The following LIPF variants were observed in gnomAD, a reference collection of about 807,000 sequenced individuals.
The protein encoded by LIPF is lipase F, gastric type, also known as gastric triacylglycerol lipase.
A neutral mutation model predicts 38.0 loss-of-function variants in LIPF; 25 were observed. The observed-to-expected ratio is 0.66, with a 90% confidence interval of 0.48 to 0.92. The LOEUF (loss-of-function observed/expected upper bound fraction) is 0.92, where lower values mean the gene tolerates loss of function less well. Ranked by LOEUF, LIPF falls within the 40% of genes least tolerant of loss-of-function variation. The pLI is 0.00. For missense variants in LIPF, 410 were observed against 469.9 expected (o/e 0.87, Z 1.18); for synonymous variants, 161 against 156.2 (o/e 1.03, Z -0.23).
intron 3 of LIPF, 142 bp from the exon 4 acceptor site, chr10:88,668,416 A>G (rs1443652387): frequency 4.1e-6 from 3 of 740,266 alleles, no homozygotes; most frequent in Non-Finnish European, 6.5e-6. Context: ...CATCACCACA[A>G]TTACGATAAG....
intron 7 of LIPF, 91 bp from the exon 8 acceptor site, chr10:88,675,495 C>T: frequency 1.0e-6 from 1 of 952,982 alleles, no homozygotes; most frequent in African/African-American, 1.6e-5. Context: ...AAACACTTGA[C>T]CTGAATCAGA....
At chr10:88,670,923 G>A (rs1271875602) in intron 5 of LIPF, among the ~76,000 whole-genome samples, 1 of 152,082 alleles carries the variant, frequency 6.6e-6, no homozygotes, top group Non-Finnish European at 1.5e-5. Context: ...TGGATGAAGG[G>A]TGTTCTTGGA....
Position 88,667,328 on chromosome 10 carries a change from A to G in LIPF, c.31A>G (p.Ile11Val), listed in dbSNP as rs749991614. MWLLLTMASL[I>V]SVLGTTHGLF... ...GCTGCTTTTAACAATGGCAAGTTTG[A>G]TATCTGTACTGGGGACTACACATGG... Residue 11 changes from isoleucine (I) to valine (V), a missense_variant, in exon 2 of 10, where the codon ATA (isoleucine) becomes GTA (valine). Transcript: ENST00000238983. The G allele has an allele frequency of 1.2e-6, 2 of 1,613,212 alleles. No individual in the cohort carries two copies. The highest frequency in any genetic ancestry group is 1.7e-6 in the Non-Finnish European group (2 of 1,179,416).
chr10:88,671,538 A>T (rs1026177897), intron 5 of LIPF, among the ~76,000 whole-genome samples: 23 of 152,298 alleles, frequency 1.5e-4, no homozygotes, highest in Middle Eastern at 3.4e-3. Flanking sequence ...TCATAAAAAA[A>T]TTTTTTGTAA....
chr10:88,668,462 A>G, intron 3 of LIPF, 96 bp from the exon 4 acceptor site: 4 of 1,000,792 alleles, frequency 4.0e-6, no homozygotes, highest in Non-Finnish European at 4.5e-6. Context: ...AGGCAAATGT[A>G]TTTAGTGCTA....
chr10:88,676,067 A>T (rs1036769112), intron 8 of LIPF, 142 bp from the exon 9 acceptor site: 9 of 582,188 alleles, frequency 1.5e-5, no homozygotes, highest in African/African-American at 1.5e-4. Flanking sequence ...ACCTTGTCCT[A>T]GATTATTAAT....
intron 7 of LIPF, among the ~76,000 whole-genome samples, chr10:88,674,466 C>G (rs1015291320): frequency 1.8e-4 from 27 of 152,200 alleles, no homozygotes; most frequent in Admixed American, 6.5e-5. Context: ...CCACGCCCGG[C>G]TGACTTTGCC....
chr10:88,678,772 CTTTCTG>C lies in LIPF; in HGVS notation c.*93_*98del. The C allele has an allele frequency of 1.3e-6, 1 of 794,980 alleles. No individual in the cohort carries two copies. Among genetic ancestry groups the C allele is most frequent in the Non-Finnish European group, 2.0e-6 (1 of 498,054 alleles). 49.2% of individuals were successfully genotyped at this position (794,980 alleles called of 1,614,324 possible). On this transcript the variant is annotated 3_prime_UTR_variant, in exon 10 of 10. Transcript: ENST00000238983. ...TCATAATGTTTGACATGCAGTGCTTCTTTCTGTAATTTTGACTTTAGAAATATATTG... is the reference window on the plus strand; with the variant it reads ...TCATAATGTTTGACATGCAGTGCTTCTAATTTTGACTTTAGAAATATATTG...
chr10:88,671,960 T>G lies in LIPF; in HGVS notation c.664T>G (p.Phe222Val), dbSNP rs1765953298. The G allele has an allele frequency of 6.2e-7, 1 of 1,609,104 alleles. No individual in the cohort carries two copies. The highest frequency in any genetic ancestry group is 1.7e-5 in the Admixed American group (1 of 59,172). ...NKLRFVPQSL[F>V]KFIFGDKIFY... ...ACTTAGATTTGTTCCTCAATCCCTC[T>G]TCAAGGTATGCAATTCTCTTTAATT... Residue 222 changes from phenylalanine to valine, a missense_variant, in exon 6 of 10, where the codon TTC becomes GTC. Phe to Val is a conservative substitution (Grantham distance 50). Coordinates refer to ENST00000238983, the MANE Select transcript of LIPF (RefSeq NM_004190.4).
rs200980006 is a variant in LIPF, at chr10:88,678,502, G to C, written c.1018G>C (p.Gly340Arg). 1.9e-6 allele frequency: 3 copies of C among 1,613,856 alleles called. No homozygotes were observed. Among genetic ancestry groups the C allele is most frequent in the Non-Finnish European group, 2.5e-6 (3 of 1,179,898 alleles). ...GAATGTACCAATTGCAGTGTGGAACGGTGGCAAGGACCTGTTGGCTGACCC... is the reference window on the plus strand; with the variant it reads ...GAATGTACCAATTGCAGTGTGGAACCGTGGCAAGGACCTGTTGGCTGACCC... ...AMNVPIAVWNGGKDLLADPQD... is the reference protein window; with the variant it reads ...AMNVPIAVWNRGKDLLADPQD... Residue 340 changes from glycine (G) to arginine (R), a missense_variant, in exon 10 of 10, where the codon GGT becomes CGT. Gly to Arg is a moderately radical substitution (Grantham distance 125). Coordinates refer to ENST00000238983, the MANE Select transcript of LIPF (RefSeq NM_004190.4).
intron 1 of LIPF, among the ~76,000 whole-genome samples, chr10:88,666,722 C>T (rs1841516921): frequency 6.6e-6 from 1 of 152,096 alleles, no homozygotes; most frequent in Non-Finnish European, 1.5e-5. Context: ...GCCAGATGAA[C>T]ACCTGTAGTC....
intron 4 of LIPF, 154 bp downstream of exon 4, chr10:88,668,910 C>T (rs181786395): frequency 3.1e-6 from 2 of 648,542 alleles, no homozygotes; most frequent in East Asian, 2.7e-5. Flanking sequence ...CTTCCATGTA[C>T]CTCATTCCTA....
intron 1 of LIPF, chr10:88,665,525 C>T (rs1272652080): frequency 6.5e-7 from 1 of 1,534,682 alleles, no homozygotes. Context: ...CCTTGAACAT[C>T]TTTGAGCCCA....
rs763761802 is a variant in LIPF, at chr10:88,667,394, A to G, written c.97A>G (p.Met33Val). The G allele has an allele frequency of 6.3e-7, 1 of 1,575,514 alleles. No homozygotes were observed. Among genetic ancestry groups the G allele is most frequent in the Non-Finnish European group, 8.7e-7 (1 of 1,145,264 alleles). ...ACATCCTGGAAGCCCTGAAGTGACTATGAACATTGTAAGTTACTCTGGGGA... is the reference window on the plus strand; with the variant it reads ...ACATCCTGGAAGCCCTGAAGTGACTGTGAACATTGTAAGTTACTCTGGGGA... Reference protein sequence around the residue: ...KLHPGSPEVTMNISQMITYWG... With the variant: ...KLHPGSPEVTVNISQMITYWG... The change falls in exon 2 of 10, where the codon ATG becomes GTG. Residue 33 changes from methionine to valine, a missense_variant. Transcript: ENST00000238983.
At position 88,669,940 on chromosome 10, in the gene LIPF, A is replaced by G. The variant is rs1841569768; in HGVS notation, c.526A>G (p.Thr176Ala). The change falls in exon 5 of 10, where the codon ACC becomes GCC. Residue 176 changes from threonine (T) to alanine (A), a missense_variant. Transcript: ENST00000238983. The stretch of plus-strand genomic sequence containing the variant: ...CTATGTTGGCCATTCCCAGGGCACC[A>G]CCATTGGTAAGTAATGGCAGTCAAG... ...LHYVGHSQGT[T>A]IGFIAFSTNP... is the part of the protein sequence containing the mutation. 1.2e-6 allele frequency: 2 copies of G among 1,605,268 alleles called. No homozygotes were observed. The highest frequency in any genetic ancestry group is 1.7e-6 in the Non-Finnish European group (2 of 1,173,026).
chr10:88,672,625 A>AACAC (rs71471111), intron 6 of LIPF, among the ~76,000 whole-genome samples: 3,092 of 130,818 alleles, frequency 0.024, 55 homozygotes, highest in South Asian at 0.077. Context: ...CAGTAAAACC[A>AACAC]ACACACACAC....
rs983780950 is a variant in LIPF, at chr10:88,678,633, A to G, written c.1149A>G (p.Gln383=). ...LDFIWAMDAP[Q]EVYNDIVSMI... is the part of the protein sequence containing the mutation. Reference sequence around the variant, plus strand: ...TTATCTGGGCAATGGATGCCCCTCAAGAAGTTTACAATGACATTGTTTCTA... The same window carrying G: ...TTATCTGGGCAATGGATGCCCCTCAGGAAGTTTACAATGACATTGTTTCTA... Residue 383 remains glutamine (Q), a synonymous_variant, in exon 10 of 10, where the codon CAA becomes CAG. Transcript: ENST00000238983. The G allele has an allele frequency of 6.2e-7, 1 of 1,613,266 alleles. No individual in the cohort carries two copies. The highest frequency in any genetic ancestry group is 1.7e-5 in the Admixed American group (1 of 59,982).
intron 8 of LIPF, 67 bp from the exon 9 acceptor site, chr10:88,676,142 A>T (rs552457659): frequency 3.4e-5 from 31 of 919,424 alleles, no homozygotes; most frequent in Non-Finnish European, 5.1e-5. Flanking sequence ...CTGCTTGGAA[A>T]TGTTTGAATT....
rs114126098 is a variant in LIPF at position 88,675,206 on chromosome 10, T to C, written c.817-380T>C. On this transcript the variant is annotated intron_variant, in intron 7 of 9. Transcript: ENST00000238983. Reference sequence around the variant, plus strand: ...AAAGCAAGAGGCCTGTGTGTGAATATTTAACCTACAGCACTCTAGCACTGG... The same window carrying C: ...AAAGCAAGAGGCCTGTGTGTGAATACTTAACCTACAGCACTCTAGCACTGG... Among the ~76,000 whole-genome samples the C allele has an allele frequency of 7.9e-3, 1,206 of 152,270 alleles. 16 individuals carry two copies. Among genetic ancestry groups the C allele is most frequent in the African/African-American group, 0.027 (1,136 of 41,540 alleles).
Sources: allele counts gnomAD v4.1 joint callset (sites outside exome capture counted in the v4.1 genomes callset), GRCh38; gene constraint gnomAD v4.1.1; transcripts MANE v1.5; gene names NCBI Gene and HGNC (gene_info 2026-07-23, HGNC 2026-07-21).